The following USP15 variants were observed in gnomAD, a reference collection of about 807,000 sequenced individuals.
USP15 encodes ubiquitin carboxyl-terminal hydrolase 15.
Under a neutral mutation model 127.1 loss-of-function variants are expected in USP15, and 18 were observed. That is an observed-to-expected ratio of 0.14 (90% CI 0.10 to 0.21). The LOEUF (loss-of-function observed/expected upper bound fraction) is 0.21, where lower values mean the gene tolerates loss of function less well. Among genes scored for constraint, USP15 ranks in the 10% least tolerant of loss-of-function variants. The pLI is 1.00. For synonymous variants in USP15, 364 were observed against 393.7 expected, an observed-to-expected ratio of 0.92 and a Z score of 0.89; for missense variants, 805 against 1,159.9, an observed-to-expected ratio of 0.69 and a Z score of 4.44.
intron 6 of USP15, among the ~76,000 whole-genome samples, chr12:62,336,950 A>G (rs1282555522): frequency 2.0e-5 from 3 of 152,248 alleles, no homozygotes; most frequent in Non-Finnish European, 4.4e-5. Context: ...AACCTTTTAT[A>G]GTATTAAAAT....
In USP15 at chr12:62,289,697, TTGTGTGTGTGTG is replaced by T. The variant is rs71450579; in HGVS notation, c.90-4452_90-4441del. 1.0e-4 allele frequency among the ~76,000 whole-genome samples: 14 copies of T among 135,494 alleles called. No individual in the cohort carries two copies. The East Asian group carries it at 1.3e-3, about 13-fold the overall frequency. The allele number at this position is 135,494 out of a possible 152,430, so 88.9% of individuals were successfully genotyped here. ...TTGGGTGTGACATTAGGTTGTTAAT[TTGTGTGTGTGTG>T]TGTGTGTGTGTGTGTGTGTGTGTGT... is the stretch of plus-strand genomic sequence containing the variant. On this transcript the variant is annotated intron_variant, in intron 1 of 21. Coordinates refer to ENST00000280377, the MANE Select transcript of USP15 (RefSeq NM_001252078.2).
chr12:62,310,598 A>G (rs1442236116), intron 3 of USP15, among the ~76,000 whole-genome samples: 1 of 151,844 alleles, frequency 6.6e-6, no homozygotes, highest in African/African-American at 2.4e-5. Flanking sequence ...TCCATTGTTT[A>G]TATATATATA....
intron 2 of USP15, among the ~76,000 whole-genome samples, chr12:62,302,499 G>A (rs540036060): frequency 2.6e-5 from 4 of 152,116 alleles, no homozygotes; most frequent in South Asian, 4.2e-4. Context: ...GGCTGCATGC[G>A]GCCCAGGATG....
At chr12:62,324,753 A>G (rs1565855536) in intron 5 of USP15, among the ~76,000 whole-genome samples, 1 of 151,936 alleles carries the variant, frequency 6.6e-6, no homozygotes, top group Non-Finnish European at 1.5e-5. Context: ...CTCTTTTAAC[A>G]ACAAGATTTC....
At chr12:62,299,983 C>T (rs2064258087) in intron 2 of USP15, among the ~76,000 whole-genome samples, 1 of 151,808 alleles carries the variant, frequency 6.6e-6, no homozygotes, top group African/African-American at 2.4e-5. Context: ...AGATCCTGTG[C>T]CTATTTTTAA....
chr12:62,370,087 G>A (rs557119055), intron 8 of USP15, among the ~76,000 whole-genome samples: 1 of 152,108 alleles, frequency 6.6e-6, no homozygotes, highest in East Asian at 1.9e-4. Flanking sequence ...CGATTCTCCT[G>A]CTTTAGCCTC....
chr12:62,301,175 CTG>C (rs1322892935), intron 2 of USP15, among the ~76,000 whole-genome samples: 2 of 152,092 alleles, frequency 1.3e-5, no homozygotes, highest in Non-Finnish European at 2.9e-5. Context: ...AATGAGAAAA[CTG>C]ATCCATACCA....
At chr12:62,398,390 C>G (rs2067568085) in intron 20 of USP15, among the ~76,000 whole-genome samples, 1 of 152,148 alleles carries the variant, frequency 6.6e-6, no homozygotes, top group Admixed American at 6.6e-5. Flanking sequence ...CTTACAACTT[C>G]TTGAATTGAA....
intron 2 of USP15, among the ~76,000 whole-genome samples, chr12:62,300,275 G>A: frequency 6.6e-6 from 1 of 151,944 alleles, no homozygotes; most frequent in Non-Finnish European, 1.5e-5. Context: ...GAGTTTTATA[G>A]TTTTGGCTGT....
At chr12:62,370,587 T>C (rs761697735) in intron 8 of USP15, among the ~76,000 whole-genome samples, 4 of 152,166 alleles carry the variant, frequency 2.6e-5, no homozygotes, top group Non-Finnish European at 5.9e-5. Context: ...TGTAAACATA[T>C]AAAAATATCA....
At chr12:62,344,615 A>G (rs142987282) in intron 6 of USP15, among the ~76,000 whole-genome samples, 2 of 152,246 alleles carry the variant, frequency 1.3e-5, no homozygotes, top group East Asian at 1.9e-4. Context: ...GGGACTCTCT[A>G]TGGGGGCTCC....
intron 8 of USP15, among the ~76,000 whole-genome samples, chr12:62,360,064 A>G (rs1043046676): frequency 1.3e-5 from 2 of 152,104 alleles, no homozygotes; most frequent in South Asian, 2.1e-4. Context: ...TTCATTGTCA[A>G]GGCCTACCTA....
chr12:62,400,496 A>AT (rs559917986), intron 20 of USP15, among the ~76,000 whole-genome samples: 66 of 148,062 alleles, frequency 4.5e-4, no homozygotes, highest in Admixed American at 1.1e-3. Flanking sequence ...ACTTTGTGGA[A>AT]TTTTTTTTTT....
intron 12 of USP15, 27 bp downstream of exon 12, chr12:62,389,541 A>T: frequency 6.2e-7 from 1 of 1,612,108 alleles, no homozygotes; most frequent in South Asian, 1.1e-5. Flanking sequence ...GTTGAAGTAT[A>T]TAAGTTGGTA....
intron 1 of USP15, among the ~76,000 whole-genome samples, chr12:62,264,288 C>G (rs1318966682): frequency 6.6e-6 from 1 of 152,082 alleles, no homozygotes; most frequent in Non-Finnish European, 1.5e-5. Context: ...AAATTTCTGG[C>G]CTGGAAATTT....
At position 62,415,684 on chromosome 12, in the gene USP15, T is replaced by C. The variant is rs1031611541; in HGVS notation, c.*11309T>C. On this transcript the variant is annotated 3_prime_UTR_variant, in exon 22 of 22. Coordinates refer to ENST00000280377, the MANE Select transcript of USP15 (RefSeq NM_001252078.2). Reference sequence around the variant, plus strand: ...AACAATGTGACTTAAAACTGCATATTTGCTTAGCAAACCTATGACTTTTCT... The same window carrying C: ...AACAATGTGACTTAAAACTGCATATCTGCTTAGCAAACCTATGACTTTTCT... 6.6e-6 allele frequency: 1 copy of C among 152,192 alleles called. No individual in the cohort carries two copies. The highest frequency in any genetic ancestry group is 1.5e-5 in the Non-Finnish European group (1 of 68,042). 9.4% of individuals were successfully genotyped at this position (152,192 alleles called of 1,614,324 possible).
At chr12:62,331,688 A>G (rs893846286) in intron 6 of USP15, among the ~76,000 whole-genome samples, 2 of 152,212 alleles carry the variant, frequency 1.3e-5, no homozygotes, top group Admixed American at 6.5e-5. Context: ...CAGCTGAAGC[A>G]TAAATTTTTG....
At chr12:62,301,856 T>TTAGGAC (rs1275852931) in intron 2 of USP15, among the ~76,000 whole-genome samples, 1 of 152,188 alleles carries the variant, frequency 6.6e-6, no homozygotes, top group Non-Finnish European at 1.5e-5. Flanking sequence ...TAAGACTAAC[T>TTAGGAC]TAGGACAAGA....
At chr12:62,324,911 T>G (rs2122659) in intron 5 of USP15, among the ~76,000 whole-genome samples, 128,339 of 151,842 alleles carry the variant, frequency 0.85, 54,405 homozygotes, top group African/African-American at 0.89. Flanking sequence ...TGTAGAGTAG[T>G]TTATGAAATT....
Sources: allele counts gnomAD v4.1 joint callset (sites outside exome capture counted in the v4.1 genomes callset), GRCh38; gene constraint gnomAD v4.1.1; transcripts MANE v1.5; gene names NCBI Gene and HGNC (gene_info 2026-07-23, HGNC 2026-07-21).